Variants in DNAH8 observed in about 807,000 individuals in gnomAD.
DNAH8 encodes the protein axonemal beta dynein heavy chain 8.
In DNAH8, 382 loss-of-function variants were observed where a neutral mutation model predicts 562.1. That is an observed-to-expected ratio of 0.68 (90% confidence interval 0.63 to 0.74). The LOEUF (loss-of-function observed/expected upper bound fraction) is 0.74, where lower values mean the gene tolerates loss of function less well. Among genes scored for constraint, DNAH8 ranks in the 30% least tolerant of loss-of-function variants. The probability of loss-of-function intolerance (pLI) is 0.00; values close to 1 mark genes in which losing one functional copy is unlikely to be tolerated. For missense variants in DNAH8, 5,203 were observed against 5,620.4 expected, an observed-to-expected ratio of 0.93 and a Z score of 2.37; for synonymous variants, 1,881 against 1,919.4, an observed-to-expected ratio of 0.98 and a Z score of 0.52.
chr6:38,788,308 T>C (rs557471143), intron 18 of DNAH8, among the ~76,000 whole-genome samples: 8 of 152,220 alleles, frequency 5.3e-5, no homozygotes, highest in East Asian at 3.9e-4. Context: ...TGTGCCACCA[T>C]GCCCAGCTAA....
At position 38,809,956 on chromosome 6, in the gene DNAH8, C is replaced by T. The variant is rs142075152; in HGVS notation, c.3257+2240C>T. ...ATTTAGTTTGTCATTACTTTACCAACCTTTTTTGTGTAATTGTTTCAGTCT... is the reference window on the plus strand; with the variant it reads ...ATTTAGTTTGTCATTACTTTACCAATCTTTTTTGTGTAATTGTTTCAGTCT... On this transcript the variant is annotated intron_variant, in intron 24 of 92. Transcript: ENST00000327475. Among the ~76,000 whole-genome samples the T allele has an allele frequency of 8.2e-3, 1,245 of 152,270 alleles. 12 individuals carry two copies. Among genetic ancestry groups the T allele is most frequent in the Middle Eastern group, 0.02 (6 of 294 alleles).
In DNAH8 at chr6:38,951,571, C is replaced by A. The variant is rs763401977; in HGVS notation, c.12451+51C>A. 3 of 1,516,782 alleles carry A rather than the reference C, an allele frequency of 2.0e-6. No individual in the cohort carries two copies. In the East Asian group the frequency reaches 6.8e-5, roughly 34 times the overall value. The allele number at this position is 1,516,782 out of a possible 1,614,324, so 94.0% of individuals were successfully genotyped here. A position where few individuals can be genotyped will look rare whatever the true frequency, so the allele number is the denominator to read the frequency against. Reference sequence around the variant, plus strand: ...AGCAACACTTCCATATTTTTTTGCCCCAAATTTTGCCTTTCGTAATTTTAT... The same window carrying A: ...AGCAACACTTCCATATTTTTTTGCCACAAATTTTGCCTTTCGTAATTTTAT... On this transcript the variant is annotated intron_variant, in intron 82 of 92. Coordinates refer to ENST00000327475, the MANE Select transcript of DNAH8 (RefSeq NM_001206927.2).
At chr6:38,722,450 C>T (rs1762826644) in intron 1 of DNAH8, among the ~76,000 whole-genome samples, 1 of 152,022 alleles carries the variant, frequency 6.6e-6, no homozygotes, top group Non-Finnish European at 1.5e-5. Flanking sequence ...TAAGGCACCT[C>T]CTCAGGTGCC....
intron 49 of DNAH8, 79 bp from the exon 50 acceptor site, chr6:38,872,457 T>C: frequency 6.8e-7 from 1 of 1,481,204 alleles, no homozygotes; most frequent in South Asian, 1.3e-5. Flanking sequence ...ATTAAAGCCT[T>C]TAATCTTCAA....
At chr6:38,765,395 C>T (rs576307067) in intron 11 of DNAH8, among the ~76,000 whole-genome samples, 10 of 152,144 alleles carry the variant, frequency 6.6e-5, no homozygotes, top group East Asian at 5.8e-4. Flanking sequence ...AGCTTTTCCC[C>T]GACATTTTCC....
intron 21 of DNAH8, among the ~76,000 whole-genome samples, chr6:38,792,094 C>CT (rs1028783963): frequency 5.4e-5 from 8 of 148,750 alleles, no homozygotes; most frequent in South Asian, 2.1e-4. Context: ...TTAGCCAGGA[C>CT]TTTTTTTTTT....
intron 47 of DNAH8, 80 bp from the exon 48 acceptor site, chr6:38,867,982 C>G: frequency 7.1e-7 from 1 of 1,416,540 alleles, no homozygotes; most frequent in Non-Finnish European, 9.6e-7. Flanking sequence ...TCAGAATCGA[C>G]CTATATGCAT....
At chr6:38,920,181 A>G (rs1781599085) in intron 70 of DNAH8, among the ~76,000 whole-genome samples, 1 of 152,144 alleles carries the variant, frequency 6.6e-6, no homozygotes. Flanking sequence ...TGGTGCAATC[A>G]TAGCTTACTG....
chr6:38,975,734 A>C (rs1355842609), intron 85 of DNAH8, among the ~76,000 whole-genome samples: 1 of 152,222 alleles, frequency 6.6e-6, no homozygotes. Context: ...ATACATTCTT[A>C]TCTGGGAATT....
chr6:38,869,971 T>C (rs1480084170), intron 48 of DNAH8, among the ~76,000 whole-genome samples: 1 of 152,208 alleles, frequency 6.6e-6, no homozygotes, highest in Non-Finnish European at 1.5e-5. Flanking sequence ...CAGTTCCACA[T>C]GGCTGGGGAG....
intron 85 of DNAH8, among the ~76,000 whole-genome samples, chr6:38,980,216 A>G (rs1449110680): frequency 6.6e-6 from 1 of 152,156 alleles, no homozygotes; most frequent in African/African-American, 2.4e-5. Context: ...TCTTTCCCCC[A>G]AGGTGCAAAA....
At chr6:38,890,293 C>G (rs1367945061) in intron 57 of DNAH8, among the ~76,000 whole-genome samples, 2 of 152,280 alleles carry the variant, frequency 1.3e-5, no homozygotes, top group Non-Finnish European at 2.9e-5. Flanking sequence ...GATGTACAGA[C>G]TCTAGGGCCA....
intron 13 of DNAH8, among the ~76,000 whole-genome samples, chr6:38,777,850 G>A (rs1160432029): frequency 6.6e-6 from 1 of 152,106 alleles, no homozygotes; most frequent in Non-Finnish European, 1.5e-5. Flanking sequence ...TGTCTATAGC[G>A]TCACTACACT....
At chr6:38,828,099 T>C in intron 29 of DNAH8, 85 bp from the exon 30 acceptor site, 1 of 837,894 alleles carries the variant, frequency 1.2e-6, no homozygotes. Context: ...TTCTAAGACA[T>C]AGGAATGTGT....
intron 56 of DNAH8, among the ~76,000 whole-genome samples, chr6:38,886,043 A>G (rs1046411499): frequency 3.3e-5 from 5 of 152,238 alleles, no homozygotes; most frequent in East Asian, 1.9e-4. Context: ...GAGATGCTCA[A>G]TAGAGACTTG....
At chr6:38,940,916 G>C (rs10947764) in intron 79 of DNAH8, among the ~76,000 whole-genome samples, 39,102 of 102,956 alleles carry the variant, frequency 0.38, 5,705 homozygotes, top group East Asian at 0.49. Flanking sequence ...AGGAGATCGA[G>C]ACCATCCTGG....
intron 30 of DNAH8, among the ~76,000 whole-genome samples, chr6:38,829,187 G>C (rs1332223083): frequency 6.6e-6 from 1 of 152,146 alleles, no homozygotes; most frequent in South Asian, 2.1e-4. Flanking sequence ...AAATTTTGTT[G>C]TCTTTTTACT....
chr6:39,007,264 T>G (rs1246111546), intron 88 of DNAH8, among the ~76,000 whole-genome samples: 1 of 152,232 alleles, frequency 6.6e-6, no homozygotes, highest in African/African-American at 2.4e-5. Context: ...AATTGCTATA[T>G]TAAAAGGTAT....
chr6:38,773,012 CT>C (rs1253210209), intron 12 of DNAH8, among the ~76,000 whole-genome samples: 2 of 89,832 alleles, frequency 2.2e-5, no homozygotes, highest in African/African-American at 9.8e-5. Flanking sequence ...GAGATGGGGT[CT>C]TGCTATGTTG....
Sources: gnomAD v4.1 joint callset for allele counts (sites outside exome capture counted in the v4.1 genomes callset) on GRCh38, gnomAD v4.1.1 for gene constraint, MANE v1.5 for transcripts, NCBI Gene and HGNC (gene_info 2026-07-23, HGNC 2026-07-21) for gene names.